Variants in FRMPD4 observed in about 807,000 individuals in gnomAD.
The protein encoded by FRMPD4 is FERM and PDZ domain-containing protein 4.
Under a neutral mutation model 94.1 loss-of-function variants are expected in FRMPD4, and 22 were observed. The ratio of observed to expected loss-of-function variants is 0.23; its 90% CI spans 0.17 to 0.33. The LOEUF is 0.33. FRMPD4 is among the 10% of genes least tolerant of loss of function. The pLI is 1.00. For synonymous variants in FRMPD4, 631 were observed against 548.6 expected (o/e 1.15, Z -2.10); for missense variants, 1,111 against 1,339.9 (o/e 0.83, Z 2.67).
intron 1 of FRMPD4, among the ~76,000 whole-genome samples, chrX:12,474,416 C>A (rs1248337490): frequency 9.0e-6 from 1 of 110,952 alleles, no homozygotes; most frequent in Non-Finnish European, 1.9e-5. Flanking sequence ...GAAGCAAGAG[C>A]AAACACATTC....
intron 4 of FRMPD4, among the ~76,000 whole-genome samples, chrX:12,628,822 G>A (rs1343587931): frequency 5.3e-5 from 6 of 112,473 alleles, no homozygotes; most frequent in African/African-American, 9.7e-5. Context: ...GTATTAGTCC[G>A]TCTTCACACT....
chrX:12,453,224 G>A lies in FRMPD4; in HGVS notation c.42-45456G>A, dbSNP rs188037316. Among the ~76,000 whole-genome samples, 30 of 111,152 alleles carry A rather than the reference G, an allele frequency of 2.7e-4. No homozygotes were observed. In the East Asian group the frequency reaches 5.7e-3, roughly 21 times the overall value. ...TTAAGCAAATAAAGGAGAGAATTAC[G>A]CCTCAGCAACTGTCCAAAGAGTACG... On this transcript the variant is annotated intron_variant, in intron 1 of 16. Transcript: ENST00000675598.
intron 3 of FRMPD4, among the ~76,000 whole-genome samples, chrX:12,076,327 C>CGTGTGTGTGTGTGTGTGTGTGTGT (rs34558552): frequency 1.0e-5 from 1 of 98,129 alleles, no homozygotes; most frequent in Non-Finnish European, 2.1e-5. Flanking sequence ...CCTAGCAAAA[C>CGTGTGTGTGTGTGTGTGTGTGTGT]GTGTGTGTGT....
intron 1 of FRMPD4, among the ~76,000 whole-genome samples, chrX:12,437,400 T>TTTTCTTTC (rs35076495): frequency 3.2e-4 from 34 of 107,935 alleles, no homozygotes; most frequent in East Asian, 2.3e-3. Flanking sequence ...ATATATTCTT[T>TTTTCTTTC]TTTCTTTCTT....
At chrX:12,614,692 G>A in intron 3 of FRMPD4, 87 bp from the exon 4 acceptor site, 1 of 509,966 alleles carries the variant, frequency 2.0e-6, no homozygotes, top group Middle Eastern at 4.4e-4. Flanking sequence ...AGCACCATTT[G>A]CTCACAGTGA....
chrX:12,410,661 A>C (rs1336396667), intron 1 of FRMPD4, among the ~76,000 whole-genome samples: 1 of 111,769 alleles, frequency 8.9e-6, no homozygotes, highest in African/African-American at 3.3e-5. Flanking sequence ...TGCTGAAAGA[A>C]AAATCTCTTT....
chrX:12,459,130 G>C (rs770145463), intron 1 of FRMPD4, among the ~76,000 whole-genome samples: 1 of 111,035 alleles, frequency 9.0e-6, no homozygotes, highest in Admixed American at 9.6e-5. Flanking sequence ...CTGCCCATTT[G>C]GTGTTAAGCT....
intron 2 of FRMPD4, among the ~76,000 whole-genome samples, chrX:12,514,669 TTTTTC>T (rs1284955694): frequency 9.0e-6 from 1 of 111,497 alleles, no homozygotes; most frequent in Non-Finnish European, 1.9e-5. Flanking sequence ...TGGCCTGAAG[TTTTTC>T]TTTTTTGTTG....
chrX:12,137,966 C>T (rs960114078), upstream of FRMPD4, among the ~76,000 whole-genome samples: 1 of 111,938 alleles, frequency 8.9e-6, no homozygotes, highest in African/African-American at 3.3e-5. Flanking sequence ...TCCTGGGACC[C>T]TCCGCTCTAT....
At chrX:12,504,130 C>T (rs1261066107) in intron 2 of FRMPD4, among the ~76,000 whole-genome samples, 2 of 112,323 alleles carry the variant, frequency 1.8e-5, no homozygotes, top group African/African-American at 6.5e-5. Context: ...TATCTTTTGT[C>T]TCTGCTAATA....
intron 1 of FRMPD4, among the ~76,000 whole-genome samples, chrX:12,355,675 G>A (rs73448317): frequency 0.011 from 1,218 of 111,488 alleles, 13 homozygotes; most frequent in African/African-American, 0.032. Flanking sequence ...TGAATTATAT[G>A]GCTCTTCCTC....
chrX:12,218,022 G>A (rs756325361), intron 1 of FRMPD4, among the ~76,000 whole-genome samples: 7 of 111,620 alleles, frequency 6.3e-5, no homozygotes, highest in African/African-American at 2.3e-4. Flanking sequence ...GAGAAACCAA[G>A]CTACCTCTTA....
rs757866192 is a variant in FRMPD4, at chrX:12,716,249, T to C, written c.1790T>C (p.Ile597Thr). The C allele has an allele frequency of 8.3e-6, 10 of 1,208,301 alleles. No individual in the cohort carries two copies. The East Asian group carries it at 2.4e-4, about 29-fold the overall frequency. The change falls in exon 15 of 17, where the codon ATA (isoleucine) becomes ACA (threonine). Residue 597 changes from isoleucine (I) to threonine (T), a missense_variant. Around this residue, in one of 8 missense-constraint regions of FRMPD4, gnomAD observed 192 missense variants for 192.5 expected, o/e 1.00. Transcript: ENST00000675598. Reference protein sequence around the residue: ...MCPKEHRHLYIDNAYSSDGLN... With the variant: ...MCPKEHRHLYTDNAYSSDGLN... ...CCAAAAGAGCACCGGCACTTGTACA[T>C]AGACAATGCCTATAGTTCAGATGGA...
chrX:11,853,855 G>A (rs756511377), intron 1 of FRMPD4, among the ~76,000 whole-genome samples: 1 of 112,141 alleles, frequency 8.9e-6, no homozygotes, highest in Non-Finnish European at 1.9e-5. Flanking sequence ...TGAGGAGGAG[G>A]AGGGACTCCT....
upstream of FRMPD4, among the ~76,000 whole-genome samples, chrX:12,134,237 G>T (rs1028623218): frequency 8.9e-6 from 1 of 112,098 alleles, no homozygotes; most frequent in Admixed American, 9.4e-5. Context: ...TCCATCAGAA[G>T]AATTTTAATT....
upstream of FRMPD4, among the ~76,000 whole-genome samples, chrX:12,133,880 C>T (rs2055575089): frequency 8.9e-6 from 1 of 112,213 alleles, no homozygotes; most frequent in Admixed American, 9.4e-5. Context: ...AAAATCCTCA[C>T]ATGGCTTCCC....
intron 3 of FRMPD4, among the ~76,000 whole-genome samples, chrX:12,120,978 T>C: frequency 9.2e-6 from 1 of 109,010 alleles, no homozygotes; most frequent in Middle Eastern, 4.8e-3. Context: ...AAAAATTATA[T>C]ATAATTTATA....
chrX:12,481,942 CAAAAAAAAAAAA>C (rs56366427), intron 1 of FRMPD4, among the ~76,000 whole-genome samples: 833 of 11,573 alleles, frequency 0.072, 33 homozygotes, highest in African/African-American at 0.2. Flanking sequence ...GACTACATCT[CAAAAAAAAAAAA>C]AAAAAAAAAA....
chrX:12,266,155 A>G (rs1243117917), intron 1 of FRMPD4, among the ~76,000 whole-genome samples: 9 of 106,314 alleles, frequency 8.5e-5, no homozygotes, highest in Non-Finnish European at 1.7e-4. Flanking sequence ...AAAAAAAAAA[A>G]AAAAAAGAGA....
Sources: gnomAD v4.1 joint callset for allele counts (sites outside exome capture counted in the v4.1 genomes callset) on GRCh38, gnomAD v4.1.1 for gene constraint, gnomAD v4.1.1 regional missense constraint, MANE v1.5 for transcripts, NCBI Gene and HGNC (gene_info 2026-07-23, HGNC 2026-07-21) for gene names.